The following ABCA13 variants were observed in gnomAD, a reference collection of about 807,000 sequenced individuals.
ABCA13 encodes ATP binding cassette subfamily A member 13, also known as ATP-binding cassette sub-family A member 13.
In ABCA13, 476 loss-of-function variants were observed where a neutral mutation model predicts 478.7. That is an observed-to-expected ratio of 0.99 (90% CI 0.92 to 1.07). The LOEUF is 1.07. ABCA13 is among the 50% of genes least tolerant of loss of function. ABCA13 has a pLI of 0.00. For missense variants in ABCA13, 6,060 were observed against 5,910.6 expected, an observed-to-expected ratio of 1.03 and a Z score of -0.83; for synonymous variants, 2,252 against 2,158.9, an observed-to-expected ratio of 1.04 and a Z score of -1.20.
intron 58 of ABCA13, among the ~76,000 whole-genome samples, chr7:48,607,371 C>T (rs557639440): frequency 3.9e-4 from 60 of 152,216 alleles, no homozygotes; most frequent in African/African-American, 1.4e-3. Flanking sequence ...CCATGGGCTG[C>T]ACCCACTGTC....
At chr7:48,510,607 C>G (rs895231491) in intron 50 of ABCA13, among the ~76,000 whole-genome samples, 1 of 152,150 alleles carries the variant, frequency 6.6e-6, no homozygotes, top group Non-Finnish European at 1.5e-5. Flanking sequence ...TAGCTTCACC[C>G]CGGAAACTTG....
intron 58 of ABCA13, among the ~76,000 whole-genome samples, chr7:48,599,371 G>GTT (rs369712255): frequency 6.8e-6 from 1 of 146,736 alleles, no homozygotes; most frequent in African/African-American, 2.5e-5. Context: ...AGGGGTTACA[G>GTT]TTTTTTTTTT....
chr7:48,411,193 C>T (rs1819144456), intron 40 of ABCA13, among the ~76,000 whole-genome samples: 2 of 134,296 alleles, frequency 1.5e-5, no homozygotes, highest in Non-Finnish European at 3.2e-5. Context: ...CTCTTTCTTT[C>T]CTTTTCTTTT....
chr7:48,497,211 A>G (rs1032133059), intron 48 of ABCA13, among the ~76,000 whole-genome samples: 2 of 151,760 alleles, frequency 1.3e-5, no homozygotes, highest in Non-Finnish European at 2.9e-5. Flanking sequence ...TTTTAGCTGC[A>G]CTCAACTGTG....
At chr7:48,359,801 T>C (rs1049781764) in intron 31 of ABCA13, among the ~76,000 whole-genome samples, 4 of 152,024 alleles carry the variant, frequency 2.6e-5, no homozygotes, top group East Asian at 1.9e-4. Flanking sequence ...GTTCTTTCTA[T>C]AGTAAGACTT....
chr7:48,590,219 T>C (rs1304333296), intron 57 of ABCA13, among the ~76,000 whole-genome samples: 2 of 152,044 alleles, frequency 1.3e-5, no homozygotes, highest in Admixed American at 6.6e-5. Context: ...GATTCACTTA[T>C]GTTGTTGAAA....
At chr7:48,185,894 T>C (rs1220614460) in intron 1 of ABCA13, among the ~76,000 whole-genome samples, 2 of 152,036 alleles carry the variant, frequency 1.3e-5, no homozygotes, top group Admixed American at 6.6e-5. Flanking sequence ...ACGTTCATAA[T>C]ATTATTATAC....
chr7:48,458,403 A>G (rs1825896305), intron 43 of ABCA13, among the ~76,000 whole-genome samples: 1 of 152,154 alleles, frequency 6.6e-6, no homozygotes, highest in East Asian at 1.9e-4. Context: ...GGCATATAAG[A>G]TTGCCATTAC....
intron 27 of ABCA13, among the ~76,000 whole-genome samples, chr7:48,326,514 C>A (rs916877139): frequency 6.6e-6 from 1 of 152,194 alleles, no homozygotes; most frequent in African/African-American, 2.4e-5. Context: ...AATCCTGACA[C>A]CGCTAAGAGC....
intron 27 of ABCA13, among the ~76,000 whole-genome samples, chr7:48,324,591 G>C (rs941700729): frequency 3.9e-5 from 6 of 152,196 alleles, no homozygotes; most frequent in African/African-American, 1.4e-4. Context: ...GCTGGTTATG[G>C]AATCACATTG....
In ABCA13 at chr7:48,587,408, T is replaced by G. The variant is rs1017424384; in HGVS notation, c.14640+120T>G. On this transcript the variant is annotated intron_variant, in intron 57 of 61. Transcript: ENST00000435803. Reference sequence around the variant, plus strand: ...AACTTGCAAAGCTGGTTCTACAAACTAGTAAACTGTTTTGCCATAAGCCAG... The same window carrying G: ...AACTTGCAAAGCTGGTTCTACAAACGAGTAAACTGTTTTGCCATAAGCCAG... The G allele has an allele frequency of 5.2e-6, 6 of 1,157,218 alleles. No homozygotes were observed. In the African/African-American group the frequency reaches 9.4e-5, roughly 18 times the overall value. The allele number at this position is 1,157,218 out of a possible 1,614,324, so 71.7% of individuals were successfully genotyped here.
At chr7:48,194,960 G>A (rs1221385599) in intron 2 of ABCA13, among the ~76,000 whole-genome samples, 2 of 152,172 alleles carry the variant, frequency 1.3e-5, no homozygotes, top group African/African-American at 4.8e-5. Flanking sequence ...CTCACTGTAG[G>A]GCCAGACTAT....
intron 35 of ABCA13, 81 bp downstream of exon 35, chr7:48,376,653 C>G: frequency 2.1e-6 from 3 of 1,396,394 alleles, no homozygotes; most frequent in South Asian, 1.3e-5. Flanking sequence ...TTAGAATAAT[C>G]ACTTATTCTT....
chr7:48,514,925 T>C (rs914638848), intron 51 of ABCA13, among the ~76,000 whole-genome samples: 3 of 151,888 alleles, frequency 2.0e-5, no homozygotes, highest in African/African-American at 4.9e-5. Flanking sequence ...CAGATTGCTA[T>C]TGAGTAGAGT....
chr7:48,620,109 G>T (rs1792991382), intron 59 of ABCA13, among the ~76,000 whole-genome samples: 3 of 152,128 alleles, frequency 2.0e-5, no homozygotes, highest in Non-Finnish European at 2.9e-5. Context: ...AGTCACTTTT[G>T]TCTCCACATG....
At chr7:48,363,173 T>A (rs1466909964) in intron 31 of ABCA13, among the ~76,000 whole-genome samples, 1 of 152,180 alleles carries the variant, frequency 6.6e-6, no homozygotes, top group African/African-American at 2.4e-5. Context: ...TAAGATAATA[T>A]AACCTGAATT....
In ABCA13 at chr7:48,352,406, T is replaced by C. The variant is rs756441909; in HGVS notation, c.10607T>C (p.Ile3536Thr). Residue 3536 changes from isoleucine (I) to threonine (T), a missense_variant, in exon 31 of 62, where the codon ATT (isoleucine) becomes ACT (threonine). Coordinates refer to ENST00000435803, the MANE Select transcript of ABCA13 (RefSeq NM_152701.5). The part of the protein sequence containing the change: ...PLQDMIERAI[I>T]LVQTGQEALE... ...CAAGACATGATCGAAAGAGCCATCA[T>C]TTTGGTGCAGACTGGGCAGGAAGCC... 1.2e-5 allele frequency: 20 copies of C among 1,613,364 alleles called. No homozygotes were observed. The South Asian group carries it at 2.1e-4, about 17-fold the overall frequency.
chr7:48,190,443 T>C (rs553667589), intron 1 of ABCA13, among the ~76,000 whole-genome samples: 2 of 152,344 alleles, frequency 1.3e-5, no homozygotes, highest in South Asian at 2.1e-4. Context: ...CTGACTTTGA[T>C]GGCCTTTACC....
At chr7:48,525,633 G>A (rs796597630) in intron 54 of ABCA13, among the ~76,000 whole-genome samples, 4 of 149,960 alleles carry the variant, frequency 2.7e-5, no homozygotes, top group African/African-American at 9.8e-5. Flanking sequence ...ATTAGGCTGA[G>A]AGGGGAAGCC....
Sources: gnomAD v4.1 joint callset for allele counts (sites outside exome capture counted in the v4.1 genomes callset) on GRCh38, gnomAD v4.1.1 for gene constraint, MANE v1.5 for transcripts, NCBI Gene and HGNC (gene_info 2026-07-23, HGNC 2026-07-21) for gene names.